IGF1R: variants seen among roughly 807,000 people sequenced by gnomAD.
The protein encoded by IGF1R is insulin-like growth factor 1 receptor.
IGF1R carries 44 observed loss-of-function variants against 144.6 expected under a neutral mutation model. That is an observed-to-expected ratio of 0.30 (90% CI 0.24 to 0.39). The LOEUF is 0.39. Ranked by LOEUF, IGF1R falls within the 10% of genes least tolerant of loss-of-function variation. IGF1R has a pLI of 1.00. For synonymous variants in IGF1R, 795 were observed against 722.8 expected, an observed-to-expected ratio of 1.10 and a Z score of -1.60; for missense variants, 1,355 against 1,833.7, an observed-to-expected ratio of 0.74 and a Z score of 4.77.
intron 20 of IGF1R, among the ~76,000 whole-genome samples, chr15:98,956,425 G>A (rs1384574727): frequency 6.6e-6 from 1 of 152,256 alleles, no homozygotes; most frequent in African/African-American, 2.4e-5. Flanking sequence ...GCTGGGGCTT[G>A]CTTGTGCAGG....
At chr15:98,859,595 T>C (rs1036877484) in intron 2 of IGF1R, among the ~76,000 whole-genome samples, 1 of 152,240 alleles carries the variant, frequency 6.6e-6, no homozygotes, top group Non-Finnish European at 1.5e-5. Flanking sequence ...CTTTACTGTA[T>C]CTGGGTTTTC....
At chr15:98,747,618 G>T (rs142571111) in intron 2 of IGF1R, among the ~76,000 whole-genome samples, 1 of 152,314 alleles carries the variant, frequency 6.6e-6, no homozygotes, top group African/African-American at 2.4e-5. Context: ...GTGAGCATGA[G>T]AACTGTGTCG....
rs778721166 is a variant in IGF1R, at chr15:98,707,547, C to A, written c.95-15C>A. 1.2e-6 allele frequency: 2 copies of A among 1,613,862 alleles called. No individual in the cohort carries two copies. Among genetic ancestry groups the A allele is most frequent in the East Asian group, 4.5e-5 (2 of 44,870 alleles). ...TCCTTCTAACTGAGACGTTTACCCT[C>A]TTGTCTCCCTTCAGTCTGCGGGCCA... On this transcript the variant is annotated splice_polypyrimidine_tract_variant and intron_variant, in intron 1 of 20. Coordinates refer to ENST00000650285, the MANE Select transcript of IGF1R (RefSeq NM_000875.5). This position sits in a 1 kb window ranked among gnomAD's most constrained non-coding sequence, Gnocchi z 6.7.
intron 2 of IGF1R, among the ~76,000 whole-genome samples, chr15:98,888,163 G>A (rs1567178823): frequency 6.6e-6 from 1 of 152,192 alleles, no homozygotes; most frequent in Non-Finnish European, 1.5e-5. Context: ...ACTCACTCCC[G>A]TACTTGCTGT....
intron 2 of IGF1R, among the ~76,000 whole-genome samples, chr15:98,884,096 T>TG: frequency 6.6e-6 from 1 of 152,286 alleles, no homozygotes; most frequent in South Asian, 2.1e-4. Flanking sequence ...TTTAAAGGAA[T>TG]GGGGGTATTC....
At chr15:98,885,215 G>A (rs918733812) in intron 2 of IGF1R, among the ~76,000 whole-genome samples, 4 of 152,146 alleles carry the variant, frequency 2.6e-5, no homozygotes, top group Admixed American at 6.5e-5. Flanking sequence ...AACCTGCCAC[G>A]TCTATAGGGT....
chr15:98,964,343 G>C lies in IGF1R; in HGVS notation c.*6901G>C, dbSNP rs141428150. The C allele has an allele frequency of 1.3e-3, 297 of 230,660 alleles. No homozygotes were observed. The highest frequency in any genetic ancestry group is 3.9e-3 in the Middle Eastern group (3 of 760). The allele number at this position is 230,660 out of a possible 1,614,324, so 14.3% of individuals were successfully genotyped here. ...CAGTAGATGAAAAAAATTTCAAAAT[G>C]TTTTTGTATATTCTGTTGTAAGAAT... On this transcript the variant is annotated 3_prime_UTR_variant, in exon 21 of 21. Transcript: ENST00000650285.
intron 1 of IGF1R, among the ~76,000 whole-genome samples, chr15:98,667,704 G>A (rs777803026): frequency 1.5e-4 from 23 of 152,154 alleles, no homozygotes; most frequent in South Asian, 2.1e-4. Context: ...AGCTTTCTCT[G>A]TCCCGCCCGG....
intron 2 of IGF1R, among the ~76,000 whole-genome samples, chr15:98,833,031 AGTG>A (rs2057030244): frequency 6.6e-6 from 1 of 152,226 alleles, no homozygotes; most frequent in Admixed American, 6.5e-5. Flanking sequence ...CCTAGGAAAA[AGTG>A]GTGAGGACTA....
At chr15:98,906,910 AACCTCC>A (rs1362262893) in intron 5 of IGF1R, among the ~76,000 whole-genome samples, 12 of 152,176 alleles carry the variant, frequency 7.9e-5, no homozygotes, top group Non-Finnish European at 1.0e-4. Flanking sequence ...GCAGGACTCC[AACCTCC>A]ACCCCCAGCA....
chr15:98,908,726 A>G lies in IGF1R; in HGVS notation c.1289A>G (p.Gln430Arg), dbSNP rs2151670129. ...GTCCTCGACAACCAGAACTTGCAGC[A>G]ACTGTGGGACTGGGACCACCGCAAC... ...FYVLDNQNLQ[Q>R]LWDWDHRNLT... Residue 430 changes from glutamine (Q) to arginine (R), a missense_variant, in exon 6 of 21, where the codon CAA becomes CGA. Coordinates refer to ENST00000650285, the MANE Select transcript of IGF1R (RefSeq NM_000875.5). 1 of 1,614,108 alleles carries G rather than the reference A, an allele frequency of 6.2e-7. No homozygotes were observed. The highest frequency in any genetic ancestry group is 8.5e-7 in the Non-Finnish European group (1 of 1,180,008).
chr15:98,888,438 A>AGAGAGTGCGTGT (rs1555457179), intron 2 of IGF1R, among the ~76,000 whole-genome samples: 1 of 143,354 alleles, frequency 7.0e-6, no homozygotes, highest in South Asian at 2.3e-4. Context: ...AGAGAGAGAG[A>AGAGAGTGCGTGT]GTGTGTGTGT....
intron 2 of IGF1R, among the ~76,000 whole-genome samples, chr15:98,718,332 C>G (rs2054170681): frequency 6.6e-6 from 1 of 152,204 alleles, no homozygotes; most frequent in Non-Finnish European, 1.5e-5. Context: ...CTGTCGGTTG[C>G]TTGATACCCA....
rs112539877 is a variant in IGF1R at position 98,963,172 on chromosome 15, CT to C, written c.*5739del. On this transcript the variant is annotated 3_prime_UTR_variant, in exon 21 of 21. Transcript: ENST00000650285. ...AATTGCCGAAAATAATTTAAAGACA[CT>C]TTTTTTTTCTCTGTGTGTGCAAATG... 528 of 222,536 alleles carry C rather than the reference CT, an allele frequency of 2.4e-3. 6 individuals carry two copies. Among genetic ancestry groups the C allele is most frequent in the Middle Eastern group, 0.015 (11 of 736 alleles). 13.8% of individuals were successfully genotyped at this position (222,536 alleles called of 1,614,324 possible).
intron 2 of IGF1R, among the ~76,000 whole-genome samples, chr15:98,872,786 C>G (rs1423489757): frequency 6.6e-6 from 1 of 151,978 alleles, no homozygotes; most frequent in African/African-American, 2.4e-5. Context: ...GCCTCCTAAG[C>G]AGAGGATGAA....
In IGF1R at chr15:98,854,740, A is replaced by G. The variant is rs2011700174; in HGVS notation, c.641-36585A>G. Among the ~76,000 whole-genome samples, 6 of 152,190 alleles carry G rather than the reference A, an allele frequency of 3.9e-5. No individual in the cohort carries two copies. In the South Asian group the frequency reaches 1.2e-3, roughly 32 times the overall value. On this transcript the variant is annotated intron_variant, in intron 2 of 20. Coordinates refer to ENST00000650285, the MANE Select transcript of IGF1R (RefSeq NM_000875.5). ...TTCTCCTGTTCAGATAAGTCGGGGG[A>G]ATAGAAGAGCCCTGTGACTTGAGAC...
At chr15:98,866,767 A>C (rs555267347) in intron 2 of IGF1R, among the ~76,000 whole-genome samples, 24 of 152,192 alleles carry the variant, frequency 1.6e-4, no homozygotes, top group African/African-American at 5.1e-4. Flanking sequence ...AGCACGAGTG[A>C]GGGGTGATGT....
At chr15:98,680,217 C>A (rs2053155223) in intron 1 of IGF1R, among the ~76,000 whole-genome samples, 1 of 152,018 alleles carries the variant, frequency 6.6e-6, no homozygotes, top group Admixed American at 6.6e-5. Flanking sequence ...GAGGGAGCAA[C>A]TTCCAGTCCT....
At chr15:98,941,426 T>G (rs1050934230) in intron 18 of IGF1R, among the ~76,000 whole-genome samples, 1 of 152,228 alleles carries the variant, frequency 6.6e-6, no homozygotes, top group Non-Finnish European at 1.5e-5. Flanking sequence ...TGTTCAACCA[T>G]GTGGCATATT....
Sources: allele counts gnomAD v4.1 joint callset (sites outside exome capture counted in the v4.1 genomes callset), GRCh38; gene constraint gnomAD v4.1.1; non-coding constraint Gnocchi (gnomAD v3.1); transcripts MANE v1.5; gene names NCBI Gene and HGNC (gene_info 2026-07-23, HGNC 2026-07-21).